The following NUP58 variants were observed in gnomAD, a reference collection of about 807,000 sequenced individuals.
NUP58 encodes the protein nucleoporin 58, also known as nucleoporin p58/p45.
NUP58 carries 17 observed loss-of-function variants against 70.1 expected under a neutral mutation model. The observed-to-expected ratio is 0.24, with a 90% CI of 0.17 to 0.36. NUP58 has a LOEUF of 0.36. Among genes scored for constraint, NUP58 ranks in the 10% least tolerant of loss-of-function variants. NUP58 has a pLI of 1.00. For synonymous variants in NUP58, 275 were observed against 257.6 expected, an observed-to-expected ratio of 1.07 and a Z score of -0.65; for missense variants, 644 against 701.5, an observed-to-expected ratio of 0.92 and a Z score of 0.93.
At chr13:25,307,146 T>A (rs1036408548) in intron 1 of NUP58, among the ~76,000 whole-genome samples, 1 of 152,046 alleles carries the variant, frequency 6.6e-6, no homozygotes, top group Non-Finnish European at 1.5e-5. Flanking sequence ...GATCCCTACT[T>A]ATGATTACCT....
downstream of NUP58, among the ~76,000 whole-genome samples, chr13:25,345,379 G>T (rs1307030752): frequency 3.0e-5 from 1 of 33,612 alleles, no homozygotes; most frequent in African/African-American, 6.0e-5. Context: ...GAAACTACAA[G>T]TATGTGATAG....
chr13:25,336,083 A>G, intron 13 of NUP58: 1 of 1,237,796 alleles, frequency 8.1e-7, no homozygotes, highest in Admixed American at 3.7e-5. Flanking sequence ...AAGGATGACT[A>G]ATCGTTCTGC....
At chr13:25,346,353 A>G (rs2137855581), downstream of NUP58, among the ~76,000 whole-genome samples, 1 of 152,286 alleles carries the variant, frequency 6.6e-6, no homozygotes, top group South Asian at 2.1e-4. Flanking sequence ...AAACCCAGGC[A>G]GTCTATGTAG....
At chr13:25,325,362 A>G (rs941034796) in intron 10 of NUP58, among the ~76,000 whole-genome samples, 8 of 152,192 alleles carry the variant, frequency 5.3e-5, no homozygotes, top group Admixed American at 5.2e-4. Flanking sequence ...TTTACTGGTA[A>G]TGGAAAATTA....
chr13:25,343,871 AC>A (rs1465269690), downstream of NUP58, among the ~76,000 whole-genome samples: 1 of 101,618 alleles, frequency 9.8e-6, no homozygotes, highest in Non-Finnish European at 2.0e-5. Flanking sequence ...ACACACACAC[AC>A]CCCACACCAA....
At chr13:25,303,377 TAACTG>T (rs146502921) in intron 1 of NUP58, among the ~76,000 whole-genome samples, 3,386 of 152,058 alleles carry the variant, frequency 0.022, 113 homozygotes, top group African/African-American at 0.076. Flanking sequence ...CCACCCTAAA[TAACTG>T]AAATGAAGTT....
chr13:25,331,731 G>A, intron 13 of NUP58, 173 bp downstream of exon 13: 1 of 1,425,380 alleles, frequency 7.0e-7, no homozygotes, highest in Non-Finnish European at 9.2e-7. Flanking sequence ...AAAAAAGGCA[G>A]GGTAGTCTTA....
intron 9 of NUP58, among the ~76,000 whole-genome samples, chr13:25,323,047 C>T (rs762175771): frequency 3.9e-5 from 6 of 151,944 alleles, no homozygotes; most frequent in African/African-American, 1.2e-4. Flanking sequence ...TTGCATTCAC[C>T]GCTGTTTGTG....
chr13:25,306,354 A>G (rs1465149989), intron 1 of NUP58, among the ~76,000 whole-genome samples: 1 of 148,938 alleles, frequency 6.7e-6, no homozygotes, highest in Non-Finnish European at 1.5e-5. Flanking sequence ...GCGGAGTGCC[A>G]CTGCACTCCA....
chr13:25,343,387 A>G (rs989056720), downstream of NUP58, among the ~76,000 whole-genome samples: 3 of 151,472 alleles, frequency 2.0e-5, no homozygotes, highest in African/African-American at 7.3e-5. Flanking sequence ...GGGTAGTTAC[A>G]TATGTATACA....
chr13:25,307,816 G>A lies in NUP58; in HGVS notation c.118G>A (p.Val40Met). ...FGTGASSNPS[V>M]GLNFGNLGST... Reference sequence around the variant, plus strand: ...GTTTCTTTAAATAAGCAACCCTTCTGTGGGGCTCAATTTTGGAAATCTTGG... The same window carrying A: ...GTTTCTTTAAATAAGCAACCCTTCTATGGGGCTCAATTTTGGAAATCTTGG... The change falls in exon 2 of 16, where the codon GTG becomes ATG. Residue 40 changes from valine to methionine, a missense_variant. Val to Met is a conservative substitution (Grantham distance 21). Around this residue, in one of 4 missense-constraint regions of NUP58, gnomAD observed 430 missense variants for 409.2 expected, o/e 1.05. Transcript: ENST00000381736. The A allele has an allele frequency of 3.1e-6, 5 of 1,614,062 alleles. No homozygotes were observed. Among genetic ancestry groups the A allele is most frequent in the South Asian group, 1.1e-5 (1 of 91,082 alleles).
intron 9 of NUP58, among the ~76,000 whole-genome samples, chr13:25,323,731 A>T (rs1041146192): frequency 2.0e-4 from 31 of 152,010 alleles, no homozygotes; most frequent in Non-Finnish European, 3.7e-4. Flanking sequence ...TTAAAATAGG[A>T]TGGTGGTTCT....
chr13:25,309,239 G>T lies in NUP58; in HGVS notation c.251-8G>T. On this transcript the variant is annotated splice_region_variant and splice_polypyrimidine_tract_variant and intron_variant, in intron 2 of 15. Transcript: ENST00000381736. ...ATGATTAAATTTTATTTCTCTTTTT[G>T]TCCCCAGGAATAGCAACAACTATAA... 1 of 1,598,314 alleles carries T rather than the reference G, an allele frequency of 6.3e-7. No homozygotes were observed. Among genetic ancestry groups the T allele is most frequent in the Non-Finnish European group, 8.6e-7 (1 of 1,166,624 alleles).
chr13:25,329,706 A>G (rs1271223511), intron 12 of NUP58, among the ~76,000 whole-genome samples: 2 of 152,196 alleles, frequency 1.3e-5, no homozygotes, highest in Admixed American at 6.5e-5. Flanking sequence ...TAATCTGTTG[A>G]AACAGGCGTT....
chr13:25,345,484 GC>G (rs1306422174), downstream of NUP58, among the ~76,000 whole-genome samples: 7 of 143,610 alleles, frequency 4.9e-5, no homozygotes, highest in East Asian at 1.5e-3. Context: ...AGAAGCAAGA[GC>G]CGGACTTGTG....
downstream of NUP58, among the ~76,000 whole-genome samples, chr13:25,343,805 G>GTGTATATATATA (rs770283276): frequency 1.5e-5 from 2 of 137,666 alleles, no homozygotes; most frequent in East Asian, 4.3e-4. Flanking sequence ...ACATATATAT[G>GTGTATATATATA]TATATATATA....
intron 13 of NUP58, chr13:25,333,197 AC>A: frequency 1.0e-6 from 1 of 985,382 alleles, no homozygotes; most frequent in South Asian, 4.7e-5. Flanking sequence ...TTTCACTTAT[AC>A]ATTTTGAGCT....
At chr13:25,316,779 A>G (rs1258139911) in intron 6 of NUP58, among the ~76,000 whole-genome samples, 2 of 152,188 alleles carry the variant, frequency 1.3e-5, no homozygotes, top group East Asian at 3.8e-4. Flanking sequence ...GAAGAGTAAG[A>G]TAAATGTAAG....
rs1356571353 is a variant in NUP58, at chr13:25,326,983, C to T, written c.1099C>T (p.Leu367=). 1.2e-6 allele frequency: 2 copies of T among 1,606,488 alleles called. No individual in the cohort carries two copies. Among genetic ancestry groups the T allele is most frequent in the East Asian group, 2.2e-5 (1 of 44,582 alleles). ...LQQYRQQIEE[L]ENHLATQANN... ...GCAGTACAGGCAGCAGATTGAAGAA[C>T]TAGAAAACCATCTTGCCACTCAAGC... Residue 367 remains leucine (L), a synonymous_variant, in exon 11 of 16, where the codon CTA becomes TTA. Coordinates refer to ENST00000381736, the MANE Select transcript of NUP58 (RefSeq NM_014089.4).
Sources: allele counts gnomAD v4.1 joint callset (sites outside exome capture counted in the v4.1 genomes callset), GRCh38; gene constraint gnomAD v4.1.1; regional missense constraint gnomAD v4.1.1; transcripts MANE v1.5; gene names NCBI Gene and HGNC (gene_info 2026-07-23, HGNC 2026-07-21).